The following PTPRG variants were observed in gnomAD, a reference collection of about 807,000 sequenced individuals.
The protein encoded by PTPRG is receptor-type tyrosine-protein phosphatase gamma.
In PTPRG, 102 loss-of-function variants were observed where a neutral mutation model predicts 165.3. The ratio of observed to expected loss-of-function variants is 0.62; its 90% CI spans 0.53 to 0.73. The LOEUF is 0.73. Among genes scored for constraint, PTPRG ranks in the 30% least tolerant of loss-of-function variants. The probability of loss-of-function intolerance (pLI) is 0.00; values close to 1 mark genes in which losing one functional copy is unlikely to be tolerated. For synonymous variants in PTPRG, 675 were observed against 669.5 expected (o/e 1.01, Z -0.13); for missense variants, 1,866 against 1,861.4 (o/e 1.00, Z -0.05).
intron 2 of PTPRG, among the ~76,000 whole-genome samples, chr3:61,874,441 G>A (rs1487864606): frequency 6.6e-6 from 1 of 152,186 alleles, no homozygotes; most frequent in Non-Finnish European, 1.5e-5. Flanking sequence ...CCACTGGAAT[G>A]GGGTACATTT....
intron 2 of PTPRG, among the ~76,000 whole-genome samples, chr3:61,913,252 C>G (rs1159673278): frequency 6.6e-6 from 1 of 152,184 alleles, no homozygotes; most frequent in Non-Finnish European, 1.5e-5. Flanking sequence ...CGGAGTCTCG[C>G]TCTATCACCC....
intron 5 of PTPRG, among the ~76,000 whole-genome samples, chr3:62,099,247 A>G (rs1344196837): frequency 6.6e-6 from 1 of 152,168 alleles, no homozygotes; most frequent in African/African-American, 2.4e-5. Flanking sequence ...ATAACCATCT[A>G]TTTCTGCCTC....
intron 4 of PTPRG, among the ~76,000 whole-genome samples, chr3:62,049,653 C>A (rs1235894731): frequency 6.6e-6 from 1 of 152,006 alleles, no homozygotes; most frequent in Non-Finnish European, 1.5e-5. Flanking sequence ...GTTCAAATAC[C>A]ATAATATGTT....
intron 7 of PTPRG, among the ~76,000 whole-genome samples, chr3:62,163,460 GT>G: frequency 6.6e-6 from 1 of 152,240 alleles, no homozygotes; most frequent in Non-Finnish European, 1.5e-5. Context: ...TATAATAAGA[GT>G]GTTCTGTAAT....
chr3:62,196,663 T>C (rs2106821941), intron 10 of PTPRG, among the ~76,000 whole-genome samples: 1 of 152,282 alleles, frequency 6.6e-6, no homozygotes, highest in South Asian at 2.1e-4. Context: ...TGGACTCTGC[T>C]CTGCCAGCCT....
At chr3:62,144,307 C>A (rs973744286) in intron 6 of PTPRG, among the ~76,000 whole-genome samples, 2 of 152,200 alleles carry the variant, frequency 1.3e-5, no homozygotes, top group African/African-American at 2.4e-5. Context: ...TCACTCAGGT[C>A]ATTACTTACC....
At chr3:61,720,247 C>T (rs2031991229) in intron 1 of PTPRG, among the ~76,000 whole-genome samples, 1 of 152,060 alleles carries the variant, frequency 6.6e-6, no homozygotes, top group Non-Finnish European at 1.5e-5. Flanking sequence ...CCTCAGCCTC[C>T]CGAGTAGCTG....
chr3:61,872,271 G>A (rs1009827742), intron 2 of PTPRG, among the ~76,000 whole-genome samples: 1 of 152,172 alleles, frequency 6.6e-6, no homozygotes, highest in Non-Finnish European at 1.5e-5. Flanking sequence ...AACTCAGGAG[G>A]CTGAGGCAGG....
At chr3:61,922,781 C>A (rs2039111343) in intron 2 of PTPRG, among the ~76,000 whole-genome samples, 1 of 152,190 alleles carries the variant, frequency 6.6e-6, no homozygotes, top group African/African-American at 2.4e-5. Context: ...GCTGGGATTA[C>A]AGGTGCGTGC....
At position 62,231,481 on chromosome 3, in the gene PTPRG, G is replaced by C. The variant is rs147108447; in HGVS notation, c.2375+170G>C. 2.0e-5 allele frequency among the ~76,000 whole-genome samples: 3 copies of C among 152,260 alleles called. No individual in the cohort carries two copies. The East Asian group carries it at 5.8e-4, about 29-fold the overall frequency. ...AGACTTGCAAATATCAATTCAGCTTGTGGGTAGCTGGTACCAATTAAAAGT... is the reference window on the plus strand; with the variant it reads ...AGACTTGCAAATATCAATTCAGCTTCTGGGTAGCTGGTACCAATTAAAAGT... On this transcript the variant is annotated intron_variant, in intron 14 of 29. Coordinates refer to ENST00000474889, the MANE Select transcript of PTPRG (RefSeq NM_002841.4).
intron 2 of PTPRG, among the ~76,000 whole-genome samples, chr3:61,884,628 C>T (rs1048407836): frequency 5.3e-5 from 8 of 152,098 alleles, no homozygotes; most frequent in East Asian, 1.9e-4. Flanking sequence ...CAGAGACTTC[C>T]GGGCTGGCAA....
At chr3:61,848,529 G>C (rs1015730747) in intron 2 of PTPRG, among the ~76,000 whole-genome samples, 4 of 152,170 alleles carry the variant, frequency 2.6e-5, no homozygotes, top group African/African-American at 9.7e-5. Flanking sequence ...TTATACTTTA[G>C]AGTATCTTAA....
chr3:62,064,273 G>C (rs1700925683), intron 4 of PTPRG, among the ~76,000 whole-genome samples: 1 of 152,134 alleles, frequency 6.6e-6, no homozygotes, highest in Non-Finnish European at 1.5e-5. Flanking sequence ...CCAGACGTGA[G>C]CCTTCCCTTG....
chr3:62,120,126 G>T (rs963120438), intron 5 of PTPRG, among the ~76,000 whole-genome samples: 4 of 151,998 alleles, frequency 2.6e-5, no homozygotes, highest in Non-Finnish European at 4.4e-5. Context: ...GGTTAAAGAT[G>T]ATTCCAGTGG....
At chr3:61,928,526 T>TCCC in intron 2 of PTPRG, among the ~76,000 whole-genome samples, 1 of 152,320 alleles carries the variant, frequency 6.6e-6, no homozygotes, top group Middle Eastern at 3.4e-3. Context: ...TTTATTCAGA[T>TCCC]TTCATGGATG....
At chr3:61,631,957 G>GT (rs1321833073) in intron 1 of PTPRG, among the ~76,000 whole-genome samples, 1 of 152,086 alleles carries the variant, frequency 6.6e-6, no homozygotes, top group Non-Finnish European at 1.5e-5. Flanking sequence ...ATTGGAGGCA[G>GT]TGGGAGCCAC....
intron 1 of PTPRG, among the ~76,000 whole-genome samples, chr3:61,629,378 A>T (rs527323614): frequency 1.2e-4 from 18 of 149,880 alleles, no homozygotes; most frequent in South Asian, 4.3e-4. Flanking sequence ...TGGTCTTGAA[A>T]CTCCTGACCT....
intron 1 of PTPRG, among the ~76,000 whole-genome samples, chr3:61,562,796 C>A (rs1278360714): frequency 1.3e-5 from 2 of 152,034 alleles, no homozygotes; most frequent in East Asian, 3.9e-4. Context: ...CTCGCTCTGG[C>A]GGGTATTGAA....
chr3:62,017,568 A>G (rs1343294921), intron 4 of PTPRG, among the ~76,000 whole-genome samples: 1 of 145,958 alleles, frequency 6.9e-6, no homozygotes, highest in Non-Finnish European at 1.5e-5. Flanking sequence ...GGCGCCCACC[A>G]CCGCGCCCGG....
Sources: gnomAD v4.1 joint callset for allele counts (sites outside exome capture counted in the v4.1 genomes callset) on GRCh38, gnomAD v4.1.1 for gene constraint, MANE v1.5 for transcripts, NCBI Gene and HGNC (gene_info 2026-07-23, HGNC 2026-07-21) for gene names.